DCUN1D4: variants seen among roughly 807,000 people sequenced by gnomAD.
DCUN1D4 encodes the protein defective in cullin neddylation 1 domain containing 4, also known as DCN1-like protein 4.
Under a neutral mutation model 47.9 loss-of-function variants are expected in DCUN1D4, and 22 were observed. The observed-to-expected ratio is 0.46, with a 90% confidence interval of 0.33 to 0.66. The LOEUF is 0.66. DCUN1D4 is among the 30% of genes least tolerant of loss of function. DCUN1D4 has a pLI of 0.02. For synonymous variants in DCUN1D4, 121 were observed against 112.2 expected, an observed-to-expected ratio of 1.08 and a Z score of -0.50; for missense variants, 301 against 340.8, an observed-to-expected ratio of 0.88 and a Z score of 0.92.
chr4:51,863,307 TAAA>T (rs1480079638), intron 1 of DCUN1D4, 127 bp from the exon 2 acceptor site: 5 of 749,024 alleles, frequency 6.7e-6, no homozygotes, highest in Admixed American at 3.0e-5. Flanking sequence ...TGCATGTTTT[TAAA>T]AAACTTTAGT....
intron 7 of DCUN1D4, among the ~76,000 whole-genome samples, chr4:51,895,766 G>A (rs547173789): frequency 6.6e-6 from 1 of 152,226 alleles, no homozygotes; most frequent in East Asian, 1.9e-4. Context: ...AACTCAAAAA[G>A]AAATTATCTT....
chr4:51,885,894 A>G (rs1252628260), intron 5 of DCUN1D4, among the ~76,000 whole-genome samples: 2 of 152,218 alleles, frequency 1.3e-5, no homozygotes, highest in African/African-American at 2.4e-5. Flanking sequence ...ATATCACACA[A>G]TGGTCAGATA....
chr4:51,885,092 G>T (rs1204528192), intron 5 of DCUN1D4: 2 of 152,196 alleles, frequency 1.3e-5, no homozygotes, highest in African/African-American at 4.8e-5. Context: ...AGATCATAGA[G>T]AACCTTATGT....
At chr4:51,849,699 C>T (rs1237749830) in intron 1 of DCUN1D4, among the ~76,000 whole-genome samples, 2 of 152,156 alleles carry the variant, frequency 1.3e-5, no homozygotes, top group Non-Finnish European at 2.9e-5. Flanking sequence ...CACTGGGTCT[C>T]ATCATGTGCC....
intron 3 of DCUN1D4, chr4:51,865,645 T>A (rs976549521): frequency 6.6e-6 from 1 of 152,242 alleles, no homozygotes; most frequent in African/African-American, 2.4e-5. Context: ...TTAGCATTGG[T>A]GATATCATAC....
intron 5 of DCUN1D4, among the ~76,000 whole-genome samples, chr4:51,881,158 C>T (rs917524592): frequency 6.6e-6 from 1 of 152,074 alleles, no homozygotes; most frequent in African/African-American, 2.4e-5. Flanking sequence ...GACCAGTTTA[C>T]ATAATTTATC....
chr4:51,859,417 C>G (rs369832164), intron 1 of DCUN1D4, among the ~76,000 whole-genome samples: 1 of 151,930 alleles, frequency 6.6e-6, no homozygotes, highest in Non-Finnish European at 1.5e-5. Flanking sequence ...GTTTCTAACC[C>G]TCTTATGAGA....
At chr4:51,880,029 G>A (rs1728324891) in intron 5 of DCUN1D4, among the ~76,000 whole-genome samples, 1 of 152,170 alleles carries the variant, frequency 6.6e-6, no homozygotes, top group African/African-American at 2.4e-5. Flanking sequence ...TTTGTGTGGA[G>A]GTGACTATTC....
chr4:51,861,983 C>G (rs1725141370), intron 1 of DCUN1D4, among the ~76,000 whole-genome samples: 1 of 152,192 alleles, frequency 6.6e-6, no homozygotes, highest in Non-Finnish European at 1.5e-5. Context: ...TTCTAAACCT[C>G]TGTGCAGTCG....
intron 3 of DCUN1D4, among the ~76,000 whole-genome samples, chr4:51,871,477 A>C (rs1353080421): frequency 1.3e-5 from 2 of 152,174 alleles, no homozygotes; most frequent in East Asian, 3.9e-4. Context: ...ATTGGTGTAG[A>C]CGTTATTTTA....
upstream of DCUN1D4, among the ~76,000 whole-genome samples, chr4:51,838,494 A>T (rs548721715): frequency 6.6e-6 from 1 of 152,150 alleles, no homozygotes; most frequent in Admixed American, 6.5e-5. Flanking sequence ...GGATCCTCCC[A>T]CCTCAGCCAC....
chr4:51,863,696 C>T lies in DCUN1D4; in HGVS notation c.123C>T (p.Asp41=). 6 of 1,613,228 alleles carry T rather than the reference C, an allele frequency of 3.7e-6. No individual in the cohort carries two copies. Among genetic ancestry groups the T allele is most frequent in the Non-Finnish European group, 5.1e-6 (6 of 1,179,732 alleles). The change falls in exon 3 of 11, where the codon GAC becomes GAT. Residue 41 remains aspartate (D), a synonymous_variant. Coordinates refer to ENST00000334635, the MANE Select transcript of DCUN1D4 (RefSeq NM_001040402.3). The part of the protein sequence containing the change: ...KLNLTEDIGQ[D]DHQTGSLRSC... ...ACCTAACAGAAGACATTGGCCAAGA[C>T]GATCACCAAACAGGTATCTGTAAAT... is the stretch of plus-strand genomic sequence containing the variant.
chr4:51,893,273 T>C (rs1730730877), intron 7 of DCUN1D4, among the ~76,000 whole-genome samples: 1 of 152,188 alleles, frequency 6.6e-6, no homozygotes, highest in African/African-American at 2.4e-5. Context: ...CCTATCAGAG[T>C]GTGTTCTAGA....
upstream of DCUN1D4, among the ~76,000 whole-genome samples, chr4:51,838,963 T>C (rs1211687838): frequency 1.3e-5 from 2 of 152,034 alleles, no homozygotes; most frequent in African/African-American, 4.8e-5. Flanking sequence ...TAATCCCAGC[T>C]ACTTGAGAGG....
At chr4:51,845,330 A>T (rs935810108) in intron 1 of DCUN1D4, 4 of 959,088 alleles carry the variant, frequency 4.2e-6, no homozygotes, top group Middle Eastern at 5.3e-4. Context: ...GAAATGAGTG[A>T]TGGAGGTGGG....
At chr4:51,867,857 T>C (rs1560472354) in intron 3 of DCUN1D4, among the ~76,000 whole-genome samples, 1 of 152,200 alleles carries the variant, frequency 6.6e-6, no homozygotes, top group Non-Finnish European at 1.5e-5. Flanking sequence ...GAAGCCTGCT[T>C]CCTGATGCCA....
chr4:51,853,873 C>T (rs1049786020), intron 1 of DCUN1D4, among the ~76,000 whole-genome samples: 13 of 152,222 alleles, frequency 8.5e-5, no homozygotes, highest in Non-Finnish European at 1.2e-4. Flanking sequence ...CAGACCCTTC[C>T]TGCTCGCCTA....
In DCUN1D4 at chr4:51,874,363, G is replaced by A; in HGVS notation, c.229G>A (p.Ala77Thr). ...ACCTGCCTCTGGAGATGATTTATCTGCCAAGAAAAGTAGACATGATAGGTA... is the reference window on the plus strand; with the variant it reads ...ACCTGCCTCTGGAGATGATTTATCTACCAAGAAAAGTAGACATGATAGGTA... ...RRPASGDDLS[A>T]KKSRHDSMYR... Residue 77 changes from alanine (A) to threonine (T), a missense_variant, in exon 4 of 11, where the codon GCC (alanine) becomes ACC (threonine). Ala to Thr is a moderately conservative substitution (Grantham distance 58). Around this residue, in one of 2 missense-constraint regions of DCUN1D4, gnomAD observed 131 missense variants for 106.3 expected, o/e 1.23. Transcript: ENST00000334635. 1 of 1,613,216 alleles carries A rather than the reference G, an allele frequency of 6.2e-7. No individual in the cohort carries two copies. Among genetic ancestry groups the A allele is most frequent in the Non-Finnish European group, 8.5e-7 (1 of 1,179,446 alleles).
At chr4:51,906,974 T>G (rs1302130526) in intron 8 of DCUN1D4, among the ~76,000 whole-genome samples, 1 of 152,204 alleles carries the variant, frequency 6.6e-6, no homozygotes, top group Non-Finnish European at 1.5e-5. Context: ...TAGTCCCTAT[T>G]TACTAATAGA....
Sources: allele counts gnomAD v4.1 joint callset (sites outside exome capture counted in the v4.1 genomes callset), GRCh38; gene constraint gnomAD v4.1.1; regional missense constraint gnomAD v4.1.1; transcripts MANE v1.5; gene names NCBI Gene and HGNC (gene_info 2026-07-23, HGNC 2026-07-21).